Variants in SV2C observed in about 807,000 individuals in gnomAD.
SV2C encodes the protein solute carrier family 22 member B3.
A neutral mutation model predicts 79.7 loss-of-function variants in SV2C; 49 were observed. That is an observed-to-expected ratio of 0.61 (90% CI 0.49 to 0.78). The LOEUF (loss-of-function observed/expected upper bound fraction) is 0.78. Among genes scored for constraint, SV2C ranks in the 30% least tolerant of loss-of-function variants. SV2C has a pLI of 0.00. For synonymous variants in SV2C, 334 were observed against 333.2 expected (o/e 1.00, Z -0.03); for missense variants, 833 against 912.9 (o/e 0.91, Z 1.13).
chr5:75,914,411 G>T, the SV2C span, among the ~76,000 whole-genome samples: 2 of 152,126 alleles, frequency 1.3e-5, no homozygotes, highest in African/African-American at 4.8e-5. Context: ...AACCAGGTTT[G>T]GGAGTAAACC....
At chr5:75,852,783 G>A in the SV2C span, among the ~76,000 whole-genome samples, 5 of 137,912 alleles carry the variant, frequency 3.6e-5, no homozygotes, top group Admixed American at 7.7e-5. Context: ...CTGCGATCAC[G>A]CAACTGCACT....
intron 2 of SV2C, among the ~76,000 whole-genome samples, chr5:76,166,261 G>T (rs1245770756): frequency 6.6e-6 from 1 of 152,120 alleles, no homozygotes; most frequent in Non-Finnish European, 1.5e-5. Flanking sequence ...CAACCCTGCA[G>T]TGTGGAACCT....
At chr5:75,921,103 ATTGTGCACGGAG>A in the SV2C span, 3 of 796,382 alleles carry the variant, frequency 3.8e-6, no homozygotes, top group African/African-American at 5.1e-5. Context: ...GGGTGAGGGC[ATTGTGCACGGAG>A]TTGGCCTTGC....
chr5:76,075,627 CAGTG>C, the SV2C span: 2 of 235,248 alleles, frequency 8.5e-6, no homozygotes, highest in Non-Finnish European at 9.1e-6. Flanking sequence ...TCCTGTGGTC[CAGTG>C]AGTGGCAGAT....
At chr5:76,159,550 C>T (rs796202398) in intron 2 of SV2C, among the ~76,000 whole-genome samples, 1 of 151,980 alleles carries the variant, frequency 6.6e-6, no homozygotes, top group African/African-American at 2.4e-5. Context: ...GTTGGGAGTC[C>T]CTTTGAGACA....
the SV2C span, among the ~76,000 whole-genome samples, chr5:75,945,110 T>C: frequency 6.6e-6 from 1 of 152,098 alleles, no homozygotes; most frequent in Non-Finnish European, 1.5e-5. Context: ...ATAACCATGC[T>C]ACATAAAGTC....
chr5:75,852,931 G>A, the SV2C span, among the ~76,000 whole-genome samples: 1 of 151,782 alleles, frequency 6.6e-6, no homozygotes, highest in African/African-American at 2.4e-5. Context: ...TAATGAGTGA[G>A]GAATGCCATA....
In SV2C at chr5:76,086,587, A is replaced by G. The variant is rs112029598; in HGVS notation, c.-102+3075A>G. Among the ~76,000 whole-genome samples, 960 of 152,118 alleles carry G rather than the reference A, an allele frequency of 6.3e-3. 8 individuals carry two copies. The highest frequency in any genetic ancestry group is 0.022 in the African/African-American group (907 of 41,472). On this transcript the variant is annotated intron_variant, in intron 1 of 12. Coordinates refer to ENST00000502798, the MANE Select transcript of SV2C (RefSeq NM_014979.4). Reference sequence around the variant, plus strand: ...CATAGTATTCTCCATTTAAACACAAACTCATCATTTCAATGAAGTCTGTTT... The same window carrying G: ...CATAGTATTCTCCATTTAAACACAAGCTCATCATTTCAATGAAGTCTGTTT...
At chr5:76,210,884 T>C (rs1284788143) in intron 4 of SV2C, among the ~76,000 whole-genome samples, 1 of 152,234 alleles carries the variant, frequency 6.6e-6, no homozygotes, top group East Asian at 1.9e-4. Context: ...TTTCTTATTA[T>C]AATCACAGCA....
chr5:76,143,273 T>G (rs1238464888), intron 2 of SV2C, among the ~76,000 whole-genome samples: 1 of 152,090 alleles, frequency 6.6e-6, no homozygotes, highest in Non-Finnish European at 1.5e-5. Flanking sequence ...GGGAAAACAT[T>G]AGTGGTCAGA....
At chr5:76,033,553 G>C in the SV2C span, among the ~76,000 whole-genome samples, 1 of 152,186 alleles carries the variant, frequency 6.6e-6, no homozygotes, top group Non-Finnish European at 1.5e-5. Flanking sequence ...AGATCAGATA[G>C]TTGTAGATAT....
At chr5:76,032,808 C>T in the SV2C span, among the ~76,000 whole-genome samples, 2 of 152,040 alleles carry the variant, frequency 1.3e-5, no homozygotes, top group Admixed American at 6.6e-5. Context: ...CTCTAGACCC[C>T]GGAAAATCGC....
chr5:76,295,717 G>A (rs1747730784), intron 8 of SV2C, 61 bp from the exon 9 acceptor site: 33 of 1,536,782 alleles, frequency 2.1e-5, no homozygotes, highest in Non-Finnish European at 2.7e-5. Flanking sequence ...ACATCAGGGA[G>A]TTGCTCATTG....
At chr5:76,048,969 AAGAAAG>A in the SV2C span, among the ~76,000 whole-genome samples, 1 of 63,328 alleles carries the variant, frequency 1.6e-5, no homozygotes, top group Non-Finnish European at 3.2e-5. Flanking sequence ...GAAAAAGAGA[AAGAAAG>A]AAAGAAAGAA....
the SV2C span, among the ~76,000 whole-genome samples, chr5:76,069,847 T>TACACACAC: frequency 7.5e-6 from 1 of 134,080 alleles, no homozygotes; most frequent in Non-Finnish European, 1.6e-5. Flanking sequence ...CACACACACA[T>TACACACAC]ACACACACAC....
intron 4 of SV2C, among the ~76,000 whole-genome samples, chr5:76,249,421 T>C (rs1402198691): frequency 6.6e-6 from 1 of 152,142 alleles, no homozygotes. Context: ...AAAAAGACCA[T>C]GTGAAGTAAA....
intron 2 of SV2C, among the ~76,000 whole-genome samples, chr5:76,171,660 T>G (rs1385175301): frequency 1.6e-4 from 12 of 74,310 alleles, no homozygotes; most frequent in African/African-American, 3.0e-4. Flanking sequence ...GGGAGGGAGG[T>G]GGGGGGTCAG....
chr5:76,030,284 T>G, the SV2C span, among the ~76,000 whole-genome samples: 1 of 123,980 alleles, frequency 8.1e-6, no homozygotes, highest in Non-Finnish European at 1.7e-5. Flanking sequence ...TTTTTTTTTT[T>G]TTTTTTTTAT....
chr5:76,209,616 G>T (rs1293247362), intron 3 of SV2C, 120 bp from the exon 4 acceptor site: 54 of 941,320 alleles, frequency 5.7e-5, no homozygotes, highest in Non-Finnish European at 8.0e-5. Flanking sequence ...ATATATGTTT[G>T]TTGATATGCT....
Sources: gnomAD v4.1 joint callset for allele counts (sites outside exome capture counted in the v4.1 genomes callset) on GRCh38, gnomAD v4.1.1 for gene constraint, MANE v1.5 for transcripts, NCBI Gene and HGNC (gene_info 2026-07-23, HGNC 2026-07-21) for gene names.